Variants in GSE1 observed in about 807,000 individuals in gnomAD.
GSE1 encodes Gse1 coiled-coil protein.
GSE1 carries 32 observed loss-of-function variants against 112.6 expected under a neutral mutation model. The ratio of observed to expected loss-of-function variants is 0.28; its 90% confidence interval spans 0.21 to 0.38. GSE1 has a LOEUF of 0.38. GSE1 is among the 10% of genes least tolerant of loss of function. The pLI is 1.00. For missense variants in GSE1, 2,348 were observed against 1,699.2 expected (o/e 1.38, Z -6.71); for synonymous variants, 1,115 against 735.6 (o/e 1.52, Z -8.35).
At chr16:85,582,649 T>C (rs2046500024) in intron 1 of GSE1, among the ~76,000 whole-genome samples, 1 of 151,958 alleles carries the variant, frequency 6.6e-6, no homozygotes, top group Non-Finnish European at 1.5e-5. Flanking sequence ...CCGCCTGGGG[T>C]GCCTGGAGCT....
chr16:85,317,899 G>A (rs2046019922), intron 1 of GSE1, among the ~76,000 whole-genome samples: 1 of 152,224 alleles, frequency 6.6e-6, no homozygotes, highest in African/African-American at 2.4e-5. Context: ...TTGGACATCT[G>A]CCTCAGCCCG....
chr16:85,522,987 T>G (rs1358832924), intron 2 of GSE1, among the ~76,000 whole-genome samples: 1 of 152,080 alleles, frequency 6.6e-6, no homozygotes, highest in African/African-American at 2.4e-5. Context: ...GATTGTGCAT[T>G]GTGTATGAAT....
chr16:85,611,597 C>G (rs1243395255), upstream of GSE1: 13 of 571,020 alleles, frequency 2.3e-5, no homozygotes, highest in Non-Finnish European at 2.7e-5. Context: ...GTGGTCTGCC[C>G]GGAGCCTTGT....
At chr16:85,185,909 C>T (rs777938063) in intron 1 of GSE1, among the ~76,000 whole-genome samples, 7 of 152,188 alleles carry the variant, frequency 4.6e-5, no homozygotes, top group Non-Finnish European at 1.0e-4. Flanking sequence ...GAAATTGACA[C>T]AGTGAGGGGC....
chr16:85,543,210 CAA>C (rs527634392), intron 2 of GSE1, among the ~76,000 whole-genome samples: 26 of 68,634 alleles, frequency 3.8e-4, no homozygotes, highest in Admixed American at 4.3e-4. Flanking sequence ...GACTCCATCT[CAA>C]AAAAAAAAAA....
intron 1 of GSE1, among the ~76,000 whole-genome samples, chr16:85,187,504 C>T (rs964517932): frequency 6.6e-6 from 1 of 152,262 alleles, no homozygotes; most frequent in African/African-American, 2.4e-5. Flanking sequence ...TCAGTGTCAC[C>T]TGGCTCTCCA....
intron 1 of GSE1, among the ~76,000 whole-genome samples, chr16:85,567,118 AC>A (rs1406927977): frequency 5.1e-4 from 75 of 148,132 alleles, no homozygotes; most frequent in African/African-American, 1.8e-3. Context: ...GCGGATTTCA[AC>A]CGCCTGTGCT....
intron 1 of GSE1, among the ~76,000 whole-genome samples, chr16:85,331,682 TGTG>T (rs2046370038): frequency 2.4e-5 from 1 of 42,146 alleles, no homozygotes; most frequent in African/African-American, 1.2e-4. Context: ...TGTGTGTGTG[TGTG>T]TATATATATA....
chr16:85,577,306 A>ACG (rs1483725069), intron 1 of GSE1, among the ~76,000 whole-genome samples: 1 of 152,032 alleles, frequency 6.6e-6, no homozygotes, highest in Non-Finnish European at 1.5e-5. Context: ...AGGAGGGAGG[A>ACG]CGCGGTCCTC....
chr16:85,612,164 A>T (rs1449782577), upstream of GSE1, among the ~76,000 whole-genome samples: 1 of 149,098 alleles, frequency 6.7e-6, no homozygotes, highest in Non-Finnish European at 1.5e-5. Context: ...GCGGCAGGGG[A>T]GGCTCGCCGA....
intron 1 of GSE1, among the ~76,000 whole-genome samples, chr16:85,331,179 C>T (rs991168703): frequency 1.3e-5 from 2 of 149,868 alleles, no homozygotes; most frequent in Non-Finnish European, 3.0e-5. Flanking sequence ...TTGAGACCGA[C>T]TCTCACTGTG....
At chr16:85,422,182 G>A (rs1414143835) in intron 2 of GSE1, among the ~76,000 whole-genome samples, 1 of 152,048 alleles carries the variant, frequency 6.6e-6, no homozygotes, top group South Asian at 2.1e-4. Context: ...CTGGTCCCTG[G>A]CTGGGCTGCA....
intron 2 of GSE1, among the ~76,000 whole-genome samples, chr16:85,637,743 C>A (rs1157005141): frequency 6.6e-6 from 1 of 151,004 alleles, no homozygotes; most frequent in Non-Finnish European, 1.5e-5. Flanking sequence ...TAGCCTCCTC[C>A]CTGCAGAAAG....
At chr16:85,183,533 C>G (rs1481237845) in intron 1 of GSE1, among the ~76,000 whole-genome samples, 2 of 152,248 alleles carry the variant, frequency 1.3e-5, no homozygotes, top group Admixed American at 6.5e-5. Flanking sequence ...GGGTTCTCAT[C>G]TGTGACCCCA....
At chr16:85,611,942 C>T (rs985006627), upstream of GSE1, among the ~76,000 whole-genome samples, 1 of 151,982 alleles carries the variant, frequency 6.6e-6, no homozygotes, top group East Asian at 1.9e-4. Flanking sequence ...CGGGCATGTC[C>T]CGGGGCAGGT....
chr16:85,364,839 C>T (rs1187381022), intron 2 of GSE1, among the ~76,000 whole-genome samples: 1 of 152,218 alleles, frequency 6.6e-6, no homozygotes, highest in East Asian at 1.9e-4. Flanking sequence ...CCGAGCCCTG[C>T]CATTCTGCTG....
At chr16:85,638,435 A>G (rs767298479) in intron 2 of GSE1, among the ~76,000 whole-genome samples, 1 of 152,178 alleles carries the variant, frequency 6.6e-6, no homozygotes, top group Non-Finnish European at 1.5e-5. Context: ...CGCTTTGGGC[A>G]AGGGCAGACG....
chr16:85,612,028 C>G (rs1400252197), upstream of GSE1, among the ~76,000 whole-genome samples: 1 of 152,070 alleles, frequency 6.6e-6, no homozygotes, highest in Non-Finnish European at 1.5e-5. Context: ...CCAGGGGGTG[C>G]TGGTTTGCCC....
intron 2 of GSE1, among the ~76,000 whole-genome samples, chr16:85,496,106 C>T (rs992829005): frequency 1.4e-4 from 21 of 152,196 alleles, no homozygotes; most frequent in Admixed American, 2.6e-4. Flanking sequence ...GGGCACAGCT[C>T]GGAGCAGGGT....
Sources: allele counts gnomAD v4.1 joint callset (sites outside exome capture counted in the v4.1 genomes callset), GRCh38; gene constraint gnomAD v4.1.1; transcripts MANE v1.5; gene names NCBI Gene and HGNC (gene_info 2026-07-23, HGNC 2026-07-21).